The following CDK5RAP2 variants were observed in gnomAD, a reference collection of about 807,000 sequenced individuals.
CDK5RAP2 encodes CDK5 regulatory subunit associated protein 2, also known as CDK5 regulatory subunit-associated protein 2.
In CDK5RAP2, 147 loss-of-function variants were observed where a neutral mutation model predicts 232.9. That is an observed-to-expected ratio of 0.63 (90% CI 0.55 to 0.72). The LOEUF is 0.72. Among genes scored for constraint, CDK5RAP2 ranks in the 30% least tolerant of loss-of-function variants. CDK5RAP2 has a pLI of 0.00. For missense variants in CDK5RAP2, 2,195 were observed against 2,231.5 expected (o/e 0.98, Z 0.33); for synonymous variants, 833 against 833.7 (o/e 1.00, Z 0.01).
chr9:120,447,969 T>A lies in CDK5RAP2; in HGVS notation c.2951A>T (p.Gln984Leu). Reference protein sequence around the residue: ...ELKEFKTCNKQLHQKLILAEA... With the variant: ...ELKEFKTCNKLLHQKLILAEA... ...AGCCAGAATTAACTTTTGGTGAAGT[T>A]GCTTATTACAAGTTTTAAACTCCTT... The change falls in exon 22 of 38, where the codon CAA becomes CTA. Residue 984 changes from glutamine to leucine, a missense_variant. By Grantham distance (113) the Gln-to-Leu change is moderately radical. Transcript: ENST00000349780. 6.2e-7 allele frequency: 1 copy of A among 1,614,220 alleles called. No individual in the cohort carries two copies. The highest frequency in any genetic ancestry group is 8.5e-7 in the Non-Finnish European group (1 of 1,180,038).
intron 4 of CDK5RAP2, among the ~76,000 whole-genome samples, chr9:120,546,082 G>A (rs2041830303): frequency 6.6e-6 from 1 of 152,204 alleles, no homozygotes; most frequent in Non-Finnish European, 1.5e-5. Context: ...GTCATACAAG[G>A]AAGGCTGATT....
rs185703162 is a variant in CDK5RAP2, at chr9:120,492,640, T to C, written c.1312-1163A>G. Among the ~76,000 whole-genome samples, 12 of 152,316 alleles carry C rather than the reference T, an allele frequency of 7.9e-5. No individual in the cohort carries two copies. The East Asian group carries it at 1.5e-3, about 20-fold the overall frequency. On this transcript the variant is annotated intron_variant, in intron 12 of 37. Transcript: ENST00000349780. ...ACAGACAGAAATTGTTCCAATAACT[T>C]TGAAGCAGAATAATTTGTACATCCC...
intron 35 of CDK5RAP2, among the ~76,000 whole-genome samples, chr9:120,397,696 T>C (rs1343148987): frequency 1.3e-5 from 2 of 152,142 alleles, no homozygotes; most frequent in African/African-American, 4.8e-5. Flanking sequence ...TTTTCTTTTC[T>C]AAACAATTGG....
chr9:120,458,443 T>A lies in CDK5RAP2; in HGVS notation c.2375+7A>T. On this transcript the variant is annotated splice_region_variant and intron_variant, in intron 20 of 37. Transcript: ENST00000349780. ...GAAACAAAGGAATGCCTGGGCCCCA[T>A]GTATACCTGGATTCCAGTAATAATG... 1.9e-6 allele frequency: 3 copies of A among 1,613,906 alleles called. No individual in the cohort carries two copies. The highest frequency in any genetic ancestry group is 2.5e-6 in the Non-Finnish European group (3 of 1,179,798).
At chr9:120,433,184 A>T (rs993582487) in intron 25 of CDK5RAP2, among the ~76,000 whole-genome samples, 1 of 152,210 alleles carries the variant, frequency 6.6e-6, no homozygotes, top group Non-Finnish European at 1.5e-5. Flanking sequence ...GGGCCATCAT[A>T]AACCATCTAT....
At chr9:120,430,641 G>A (rs1247237409) in intron 25 of CDK5RAP2, among the ~76,000 whole-genome samples, 1 of 151,920 alleles carries the variant, frequency 6.6e-6, no homozygotes, top group Non-Finnish European at 1.5e-5. Context: ...TGGAGAAATA[G>A]GAACACTTTT....
At position 120,491,565 on chromosome 9, in the gene CDK5RAP2, G is replaced by T. The variant is rs766395001; in HGVS notation, c.1312-88C>A. The T allele has an allele frequency of 6.9e-6, 6 of 871,176 alleles. No homozygotes were observed. The South Asian group carries it at 8.4e-5, about 12-fold the overall frequency. 54.0% of individuals were successfully genotyped at this position (871,176 alleles called of 1,614,324 possible). On this transcript the variant is annotated intron_variant, in intron 12 of 37. Coordinates refer to ENST00000349780, the MANE Select transcript of CDK5RAP2 (RefSeq NM_018249.6). ...GACTTGCTAAATTACTGCTACAAGA[G>T]AGCAAGATAATAGATGTATTTAAGG...
chr9:120,523,110 AC>A (rs1217605767), intron 11 of CDK5RAP2, among the ~76,000 whole-genome samples: 4 of 152,248 alleles, frequency 2.6e-5, no homozygotes, highest in Non-Finnish European at 4.4e-5. Context: ...CTGAAGAGTT[AC>A]AACAGTTCCT....
At chr9:120,498,800 C>T (rs1442044280) in intron 12 of CDK5RAP2, among the ~76,000 whole-genome samples, 2 of 151,966 alleles carry the variant, frequency 1.3e-5, no homozygotes, top group African/African-American at 4.8e-5. Flanking sequence ...GCAGGAGGAT[C>T]ACTTGAGCCC....
intron 15 of CDK5RAP2, 97 bp downstream of exon 15, chr9:120,477,253 T>C (rs1756833357): frequency 1.0e-6 from 1 of 964,146 alleles, no homozygotes; most frequent in African/African-American, 1.6e-5. Flanking sequence ...TTTGCTGCCT[T>C]AGAGATCAGC....
Position 120,487,361 on chromosome 9 carries a change from C to T in CDK5RAP2, c.1559G>A (p.Ser520Asn), listed in dbSNP as rs776176968. ...LMAAEDLELR[S>N]EGLITEKCSS... ...GCACTTTTCTGTTATTAAGCCTTCA[C>T]TCCTGAGCTCAAGATCCTCTGCAGC... The change falls in exon 14 of 38, where the codon AGT becomes AAT. Residue 520 changes from serine (S) to asparagine (N), a missense_variant. Physicochemically the swap from Ser to Asn is conservative, Grantham distance 46. Coordinates refer to ENST00000349780, the MANE Select transcript of CDK5RAP2 (RefSeq NM_018249.6). 6.2e-6 allele frequency: 10 copies of T among 1,613,962 alleles called. No homozygotes were observed. The highest frequency in any genetic ancestry group is 5.5e-5 in the South Asian group (5 of 91,084).
chr9:120,408,113 T>C, intron 31 of CDK5RAP2: 1 of 551,884 alleles, frequency 1.8e-6, no homozygotes, highest in Admixed American at 2.7e-5. Context: ...TGGGAACAAG[T>C]GAGTGGGAAC....
chr9:120,439,560 A>G lies in CDK5RAP2; in HGVS notation c.3561T>C (p.Gly1187=), dbSNP rs1443333606. The change falls in exon 24 of 38, where the codon GGT becomes GGC. Residue 1187 remains glycine (G), a synonymous_variant. Transcript: ENST00000349780. ...VRYVKHVKIL[G]PLAPEMIDSR... ...TGTCAATCATCTCTGGGGCCAGCGG[A>G]CCGAGGATTTTCACGTGTTTCACGT... The G allele has an allele frequency of 1.9e-6, 3 of 1,614,186 alleles. No individual in the cohort carries two copies. The highest frequency in any genetic ancestry group is 1.7e-5 in the Admixed American group (1 of 60,012).
Position 120,555,857 on chromosome 9 carries a change from T to C in CDK5RAP2, c.196-4955A>G, listed in dbSNP as rs545358966. On this transcript the variant is annotated intron_variant, in intron 3 of 37. Coordinates refer to ENST00000349780, the MANE Select transcript of CDK5RAP2 (RefSeq NM_018249.6). ...AACAGTAGACATCCATATGACAGAA[T>C]AGTGCTCAGCAACTATGAAACACAC... Among the ~76,000 whole-genome samples the C allele has an allele frequency of 5.9e-5, 9 of 152,312 alleles. No individual in the cohort carries two copies. In the South Asian group the frequency reaches 6.2e-4, roughly 11 times the overall value.
chr9:120,526,472 C>T (rs1229734819), intron 10 of CDK5RAP2, among the ~76,000 whole-genome samples: 1 of 152,138 alleles, frequency 6.6e-6, no homozygotes, highest in Non-Finnish European at 1.5e-5. Flanking sequence ...TTTTCCCAAC[C>T]TTATTTCTAA....
At chr9:120,406,908 G>A in intron 32 of CDK5RAP2, 104 bp downstream of exon 32, 1 of 880,548 alleles carries the variant, frequency 1.1e-6, no homozygotes, top group Non-Finnish European at 1.8e-6. Context: ...GCTATCAATG[G>A]AAAGACACCT....
At position 120,446,418 on chromosome 9, in the gene CDK5RAP2, G is replaced by A. The variant is rs185956081; in HGVS notation, c.3025+1477C>T. On this transcript the variant is annotated intron_variant, in intron 22 of 37. Transcript: ENST00000349780. ...ATTTTGTATTTTTAGTAGAGATGGG[G>A]TTTCGCCACGTTGGCCAAGCTGGTC... Among the ~76,000 whole-genome samples the A allele has an allele frequency of 2.9e-3, 435 of 152,252 alleles. 4 individuals are homozygous for A. Among genetic ancestry groups the A allele is most frequent in the African/African-American group, 9.9e-3 (410 of 41,528 alleles).
intron 11 of CDK5RAP2, among the ~76,000 whole-genome samples, chr9:120,520,895 T>C (rs1328041872): frequency 6.6e-6 from 1 of 151,930 alleles, no homozygotes; most frequent in Non-Finnish European, 1.5e-5. Context: ...ATGAACTGTA[T>C]CTCATATATC....
chr9:120,572,212 G>A (rs2042881131), intron 1 of CDK5RAP2, among the ~76,000 whole-genome samples, 171 bp from the exon 2 acceptor site: 2 of 152,180 alleles, frequency 1.3e-5, no homozygotes, highest in Admixed American at 1.3e-4. Flanking sequence ...TTGGGGCTGA[G>A]TTCCAGCTCC....
Sources: allele counts gnomAD v4.1 joint callset (sites outside exome capture counted in the v4.1 genomes callset), GRCh38; gene constraint gnomAD v4.1.1; transcripts MANE v1.5; gene names NCBI Gene and HGNC (gene_info 2026-07-23, HGNC 2026-07-21).